C9orf85: variants seen among roughly 807,000 people sequenced by gnomAD.
C9orf85 encodes the protein chromosome 9 open reading frame 85.
C9orf85 carries 16 observed loss-of-function variants against 14.9 expected under a neutral mutation model. The ratio of observed to expected loss-of-function variants is 1.08; its 90% CI spans 0.73 to 1.63. C9orf85 has a LOEUF of 1.63. Ranked by LOEUF, C9orf85 falls within the 40% of genes most tolerant of loss-of-function variation. The pLI, the probability that C9orf85 is intolerant of heterozygous loss-of-function variation, is 0.00. For synonymous variants in C9orf85, 45 were observed against 56.8 expected, an observed-to-expected ratio of 0.79 and a Z score of 0.93; for missense variants, 172 against 186.1, an observed-to-expected ratio of 0.92 and a Z score of 0.44.
chr9:71,974,723 A>C (rs1693626316), downstream of C9orf85, among the ~76,000 whole-genome samples: 1 of 152,176 alleles, frequency 6.6e-6, no homozygotes, highest in South Asian at 2.1e-4. Flanking sequence ...TTGCTATGTA[A>C]AACAAAACTT....
At chr9:71,942,565 G>T (rs943118048) in intron 1 of C9orf85, among the ~76,000 whole-genome samples, 2 of 152,042 alleles carry the variant, frequency 1.3e-5, no homozygotes, top group Non-Finnish European at 2.9e-5. Context: ...CAATGTTCTA[G>T]CCATATTTAA....
intron 1 of C9orf85, chr9:71,912,103 T>C: frequency 2.2e-6 from 1 of 461,138 alleles, no homozygotes; most frequent in East Asian, 4.5e-5. Context: ...AAGGTGCAGA[T>C]GGGGCAGTTA....
At chr9:71,950,471 G>T (rs973522822) in intron 2 of C9orf85, among the ~76,000 whole-genome samples, 20 of 152,048 alleles carry the variant, frequency 1.3e-4, no homozygotes, top group African/African-American at 4.8e-4. Context: ...GGGTTCAAGC[G>T]ATTCTTCTGC....
chr9:71,922,891 A>G (rs530150183), intron 1 of C9orf85, among the ~76,000 whole-genome samples: 1 of 152,296 alleles, frequency 6.6e-6, no homozygotes, highest in East Asian at 1.9e-4. Context: ...GCACTTTGGG[A>G]GGCTGAGGCG....
At chr9:71,922,272 A>G (rs1827829400) in intron 1 of C9orf85, among the ~76,000 whole-genome samples, 1 of 152,018 alleles carries the variant, frequency 6.6e-6, no homozygotes, top group Non-Finnish European at 1.5e-5. Context: ...TTCCCAGATC[A>G]TTCATTATTA....
intron 3 of C9orf85, among the ~76,000 whole-genome samples, chr9:71,979,896 G>A (rs1283027250): frequency 6.6e-6 from 1 of 151,912 alleles, no homozygotes; most frequent in East Asian, 1.9e-4. Context: ...TTCTAAATTT[G>A]CATTTTAAAT....
intron 2 of C9orf85, among the ~76,000 whole-genome samples, chr9:71,967,713 C>CTTTTTTTTTTTTT (rs55750667): frequency 2.1e-5 from 2 of 94,112 alleles, no homozygotes; most frequent in African/African-American, 4.8e-5. Flanking sequence ...TATGACCTTT[C>CTTTTTTTTTTTTT]TTTTTTTTTT....
intron 1 of C9orf85, among the ~76,000 whole-genome samples, chr9:71,916,862 G>T (rs951434846): frequency 6.6e-6 from 1 of 152,190 alleles, no homozygotes; most frequent in Admixed American, 6.5e-5. Flanking sequence ...TACTCAACCT[G>T]TTATAGCTAA....
chr9:71,970,546 C>T (rs2132358435), intron 2 of C9orf85, among the ~76,000 whole-genome samples: 1 of 152,240 alleles, frequency 6.6e-6, no homozygotes, highest in East Asian at 1.9e-4. Context: ...CAATTCTATT[C>T]TGATGACCTA....
chr9:71,936,862 G>C (rs544269737), intron 1 of C9orf85, among the ~76,000 whole-genome samples: 1 of 148,404 alleles, frequency 6.7e-6, no homozygotes, highest in Non-Finnish European at 1.5e-5. Flanking sequence ...TGGCTCAAGC[G>C]ATCCTCCCAC....
At chr9:71,968,118 A>AGAGC (rs1822750139) in intron 2 of C9orf85, among the ~76,000 whole-genome samples, 1 of 148,560 alleles carries the variant, frequency 6.7e-6, no homozygotes, top group African/African-American at 2.5e-5. Flanking sequence ...AGAGAGAGAG[A>AGAGC]GTGCATGCAA....
intron 1 of C9orf85, among the ~76,000 whole-genome samples, chr9:71,917,196 T>G (rs1479211651): frequency 2.6e-5 from 4 of 152,200 alleles, no homozygotes; most frequent in African/African-American, 9.7e-5. Flanking sequence ...GACACCAGAT[T>G]AGGGTCAGAA....
rs1320956068 is a variant in C9orf85, at chr9:71,972,381, TC to T, written c.324-308del. Among the ~76,000 whole-genome samples the T allele has an allele frequency of 5.3e-5, 8 of 152,176 alleles. No homozygotes were observed. In the South Asian group the frequency reaches 1.4e-3, roughly 28 times the overall value. On this transcript the variant is annotated intron_variant, in intron 3 of 3. Transcript: ENST00000334731. ...TTCAAGCGATTCTCCTGCCTCAGCC[TC>T]CCAAGTAGTTGGGATTACAGGCTTG... is the stretch of plus-strand genomic sequence containing the variant.
At chr9:71,930,825 A>G (rs1828055227) in intron 1 of C9orf85, among the ~76,000 whole-genome samples, 2 of 148,382 alleles carry the variant, frequency 1.3e-5, no homozygotes, top group Non-Finnish European at 3.0e-5. Flanking sequence ...AAAAAAAAAA[A>G]AAGACACAAA....
At chr9:71,951,127 A>C (rs1822235283) in intron 2 of C9orf85, among the ~76,000 whole-genome samples, 1 of 152,174 alleles carries the variant, frequency 6.6e-6, no homozygotes, top group African/African-American at 2.4e-5. Context: ...GTGAGGTGAC[A>C]TGCTGCAGTA....
chr9:71,958,387 T>C (rs1822432574), intron 2 of C9orf85, among the ~76,000 whole-genome samples: 1 of 151,270 alleles, frequency 6.6e-6, no homozygotes, highest in African/African-American at 2.4e-5. Context: ...CTCAGCCTCC[T>C]GAGTAGCTGG....
chr9:71,968,794 C>T (rs894781436), intron 2 of C9orf85, among the ~76,000 whole-genome samples: 5 of 152,162 alleles, frequency 3.3e-5, no homozygotes, highest in African/African-American at 1.2e-4. Flanking sequence ...GTTCTTATCC[C>T]TGACGCAGGT....
intron 2 of C9orf85, among the ~76,000 whole-genome samples, chr9:71,952,502 CTA>C (rs1160579877): frequency 6.6e-6 from 1 of 152,102 alleles, no homozygotes; most frequent in Non-Finnish European, 1.5e-5. Context: ...GTAGCTGGGA[CTA>C]CAGACGCCCA....
At chr9:71,965,207 C>A (rs1822657294) in intron 2 of C9orf85, among the ~76,000 whole-genome samples, 1 of 152,126 alleles carries the variant, frequency 6.6e-6, no homozygotes, top group Non-Finnish European at 1.5e-5. Flanking sequence ...GGGTTTATAT[C>A]CCAATTATTG....
Sources: gnomAD v4.1 joint callset for allele counts (sites outside exome capture counted in the v4.1 genomes callset) on GRCh38, gnomAD v4.1.1 for gene constraint, MANE v1.5 for transcripts, NCBI Gene and HGNC (gene_info 2026-07-23, HGNC 2026-07-21) for gene names.